LPP: variants seen among roughly 807,000 people sequenced by gnomAD.
The protein encoded by LPP is LIM domain containing preferred translocation partner in lipoma.
Under a neutral mutation model 60.4 loss-of-function variants are expected in LPP, and 38 were observed. That is an observed-to-expected ratio of 0.63 (90% CI 0.49 to 0.83). The LOEUF is 0.83. Ranked by LOEUF, LPP falls within the 40% of genes least tolerant of loss-of-function variation. LPP has a pLI of 0.00. For synonymous variants in LPP, 328 were observed against 290.8 expected (o/e 1.13, Z -1.30); for missense variants, 902 against 783.6 (o/e 1.15, Z -1.80).
intron 6 of LPP, among the ~76,000 whole-genome samples, chr3:188,539,751 T>G (rs1187986803): frequency 6.6e-6 from 1 of 152,222 alleles, no homozygotes; most frequent in Non-Finnish European, 1.5e-5. Flanking sequence ...CAGTTATTAC[T>G]GTTGGTCTCA....
chr3:188,572,773 A>G lies in LPP; in HGVS notation c.430-36388A>G, dbSNP rs35471194. 0.31 allele frequency among the ~76,000 whole-genome samples: 47,204 copies of G among 151,992 alleles called. 7,663 individuals carry two copies. The highest frequency in any genetic ancestry group is 0.36 in the Middle Eastern group (106 of 294). On this transcript the variant is annotated intron_variant, in intron 6 of 11. Transcript: ENST00000617246. The surrounding 1 kb of genome is among the most constrained non-coding windows in gnomAD (Gnocchi z 4.1). ...TAACAAATACTTACCAAATCTCGGT[A>G]CTGAAAACAAGGGTTTATTTCTTAC...
At chr3:188,733,432 C>T (rs912413808) in intron 8 of LPP, among the ~76,000 whole-genome samples, 2 of 152,092 alleles carry the variant, frequency 1.3e-5, no homozygotes, top group African/African-American at 4.8e-5. Context: ...TTTCTACATG[C>T]TATCTCATAA....
chr3:188,387,587 G>A (rs1247150091), intron 3 of LPP, among the ~76,000 whole-genome samples: 1 of 143,984 alleles, frequency 6.9e-6, no homozygotes, highest in African/African-American at 2.6e-5. Context: ...TTTTTTTTGA[G>A]GCAGAGTCTC....
chr3:188,453,464 C>T (rs1560424793), intron 4 of LPP, among the ~76,000 whole-genome samples: 1 of 152,018 alleles, frequency 6.6e-6, no homozygotes, highest in Non-Finnish European at 1.5e-5. Flanking sequence ...TTCACAATGC[C>T]TGGGGGAATA....
chr3:188,277,677 G>A (rs1740462027), intron 2 of LPP, among the ~76,000 whole-genome samples: 1 of 152,150 alleles, frequency 6.6e-6, no homozygotes. Flanking sequence ...ATGAACTGGT[G>A]GTCGAGGGTG....
At chr3:188,465,725 T>C (rs115743884) in intron 4 of LPP, among the ~76,000 whole-genome samples, 1,930 of 152,292 alleles carry the variant, frequency 0.013, 38 homozygotes, top group African/African-American at 0.04. Flanking sequence ...TTACTCTTAA[T>C]AGGAGGCCGT....
chr3:188,829,267 C>G (rs141779774), intron 9 of LPP, among the ~76,000 whole-genome samples: 7 of 152,068 alleles, frequency 4.6e-5, no homozygotes, highest in African/African-American at 1.7e-4. Flanking sequence ...CCACCTCTTA[C>G]GGGAATACCG....
intron 2 of LPP, among the ~76,000 whole-genome samples, chr3:188,334,672 G>T (rs1199610571): frequency 6.6e-6 from 1 of 151,888 alleles, no homozygotes; most frequent in African/African-American, 2.4e-5. Flanking sequence ...CTCGTGATCC[G>T]CCCACCTTGG....
chr3:188,746,420 GCA>G (rs1396954360), intron 8 of LPP: 1 of 474,894 alleles, frequency 2.1e-6, no homozygotes, highest in Non-Finnish European at 4.2e-6. Context: ...ACAAATATGT[GCA>G]CAGTTTTGTT....
intron 9 of LPP, among the ~76,000 whole-genome samples, chr3:188,807,612 C>T (rs368306518): frequency 6.6e-6 from 1 of 151,878 alleles, no homozygotes; most frequent in African/African-American, 2.4e-5. Context: ...TAATTCTTTC[C>T]CCAGTTGAGT....
In LPP at chr3:188,619,217, G is replaced by T. The variant is rs567081301; in HGVS notation, c.1113+9373G>T. ...TTTTTGTATTTTTGGTAGAGACGGG[G>T]TTTTACCATGTTGGCTAGGTTGGTC... On this transcript the variant is annotated intron_variant, in intron 7 of 11. Transcript: ENST00000617246. Among the ~76,000 whole-genome samples the T allele has an allele frequency of 3.9e-5, 6 of 152,208 alleles. No homozygotes were observed. In the South Asian group the frequency reaches 1.2e-3, roughly 32 times the overall value.
chr3:188,228,200 G>A (rs952334454), intron 2 of LPP, among the ~76,000 whole-genome samples: 2 of 152,216 alleles, frequency 1.3e-5, no homozygotes, highest in African/African-American at 4.8e-5. Flanking sequence ...ATGAGACCAT[G>A]GATTCTGCTG....
intron 6 of LPP, among the ~76,000 whole-genome samples, chr3:188,579,109 A>G (rs911767128): frequency 6.6e-6 from 1 of 152,168 alleles, no homozygotes; most frequent in African/African-American, 2.4e-5. Flanking sequence ...GACTAATACC[A>G]AAAAGGGAAT....
chr3:188,726,038 A>C lies in LPP; in HGVS notation c.1240+17645A>C, dbSNP rs115449128. 2.0e-3 allele frequency among the ~76,000 whole-genome samples: 298 copies of C among 152,246 alleles called. 2 individuals are homozygous for C. In the South Asian group the frequency reaches 0.024, roughly 12 times the overall value. ...AGTGGCCAGATCAAGAGGGCCTCTT[A>C]TTTCTTACTAAAGAATCTAGAGTCT... On this transcript the variant is annotated intron_variant, in intron 8 of 11. Coordinates refer to ENST00000617246, the MANE Select transcript of LPP (RefSeq NM_001375462.1).
intron 9 of LPP, among the ~76,000 whole-genome samples, chr3:188,846,748 T>A (rs1013051990): frequency 4.6e-5 from 7 of 151,790 alleles, no homozygotes; most frequent in African/African-American, 1.7e-4. Context: ...TAAGTAATCT[T>A]ATCTGGCTAG....
chr3:188,599,673 T>C (rs770984093), intron 6 of LPP, among the ~76,000 whole-genome samples: 1 of 151,890 alleles, frequency 6.6e-6, no homozygotes, highest in Non-Finnish European at 1.5e-5. Flanking sequence ...GTGAAATGAA[T>C]AAGTGCTGAT....
intron 9 of LPP, among the ~76,000 whole-genome samples, chr3:188,781,231 C>T (rs536156408): frequency 6.6e-6 from 1 of 152,218 alleles, no homozygotes; most frequent in African/African-American, 2.4e-5. Flanking sequence ...GCAATATGTA[C>T]TACATTAAAA....
intron 2 of LPP, among the ~76,000 whole-genome samples, chr3:188,311,972 A>G (rs1304047444): frequency 6.6e-6 from 1 of 152,218 alleles, no homozygotes; most frequent in Non-Finnish European, 1.5e-5. Context: ...CTAAAAATTA[A>G]TTTGAATAAG....
intron 9 of LPP, among the ~76,000 whole-genome samples, chr3:188,774,472 A>G (rs897058115): frequency 2.9e-4 from 44 of 151,356 alleles, no homozygotes; most frequent in African/African-American, 1.1e-3. Context: ...TTTTTTCCCT[A>G]TCCACCTCCA....
Sources: allele counts gnomAD v4.1 joint callset (sites outside exome capture counted in the v4.1 genomes callset), GRCh38; gene constraint gnomAD v4.1.1; non-coding constraint Gnocchi (gnomAD v3.1); transcripts MANE v1.5; gene names NCBI Gene and HGNC (gene_info 2026-07-23, HGNC 2026-07-21).